Variants in SASS6 observed in about 807,000 individuals in gnomAD.
The protein encoded by SASS6 is SAS-6 centriolar assembly protein, also known as spindle assembly abnormal protein 6 homolog.
SASS6 carries 59 observed loss-of-function variants against 94.9 expected under a neutral mutation model. That is an observed-to-expected ratio of 0.62 (90% CI 0.50 to 0.77). The LOEUF (loss-of-function observed/expected upper bound fraction) is 0.77, where lower values mean the gene tolerates loss of function less well. SASS6 is among the 30% of genes least tolerant of loss of function. The pLI is 0.00. For missense variants in SASS6, 698 were observed against 734.1 expected, an observed-to-expected ratio of 0.95 and a Z score of 0.57; for synonymous variants, 264 against 270.0, an observed-to-expected ratio of 0.98 and a Z score of 0.22.
intron 14 of SASS6, among the ~76,000 whole-genome samples, chr1:100,097,816 T>G (rs776911148): frequency 2.6e-5 from 4 of 152,082 alleles, no homozygotes; most frequent in Non-Finnish European, 4.4e-5. Context: ...GATGACAGAA[T>G]GAGATTTTAT....
chr1:100,109,665 A>G (rs1037479405), intron 8 of SASS6, among the ~76,000 whole-genome samples: 3 of 152,044 alleles, frequency 2.0e-5, no homozygotes, highest in African/African-American at 7.2e-5. Context: ...AAGATAGTCA[A>G]ATAATAGATG....
intron 2 of SASS6, among the ~76,000 whole-genome samples, chr1:100,123,645 T>G (rs1654365091): frequency 6.6e-6 from 1 of 152,216 alleles, no homozygotes; most frequent in African/African-American, 2.4e-5. Context: ...ACATTCAATT[T>G]TATTTTTAGT....
In SASS6 at chr1:100,084,865, CAA is replaced by C. The variant is rs1042767550; in HGVS notation, c.*461_*462del. The C allele has an allele frequency of 3.3e-5, 5 of 153,460 alleles. No homozygotes were observed. Among genetic ancestry groups the C allele is most frequent in the Non-Finnish European group, 5.8e-5 (4 of 68,940 alleles). The allele number at this position is 153,460 out of a possible 1,614,324, so 9.5% of individuals were successfully genotyped here. On this transcript the variant is annotated 3_prime_UTR_variant, in exon 17 of 17. Transcript: ENST00000287482. ...TTTAAATGTCATCAATAATATATCT[CAA>C]GAGGTAATCATTTTCCCTCATGATT...
intron 14 of SASS6, among the ~76,000 whole-genome samples, chr1:100,088,537 G>A (rs76369513): frequency 0.041 from 6,311 of 152,078 alleles, 325 homozygotes; most frequent in African/African-American, 0.12. Flanking sequence ...TGATCCTCCC[G>A]TCTCAGCCTC....
At chr1:100,118,548 T>C (rs1024977238) in intron 7 of SASS6, among the ~76,000 whole-genome samples, 1 of 152,178 alleles carries the variant, frequency 6.6e-6, no homozygotes, top group Admixed American at 6.5e-5. Context: ...AGCATTTAAA[T>C]GACCACCATT....
intron 14 of SASS6, among the ~76,000 whole-genome samples, chr1:100,095,562 A>G (rs1322252104): frequency 6.6e-6 from 1 of 152,164 alleles, no homozygotes; most frequent in African/African-American, 2.4e-5. Context: ...AAATTGTACT[A>G]TCGGTTCTAG....
chr1:100,111,699 T>G lies in SASS6; in HGVS notation c.670-1216A>C, dbSNP rs572231092. On this transcript the variant is annotated intron_variant, in intron 7 of 16. Transcript: ENST00000287482. ...ATAAAATACCTTAGGAATTTTACAT[T>G]ACTACTTCAGGAATTTCCTCATTTT... is the stretch of plus-strand genomic sequence containing the variant. Among the ~76,000 whole-genome samples the G allele has an allele frequency of 9.3e-4, 142 of 152,228 alleles. 1 individual carries two copies. The highest frequency in any genetic ancestry group is 3.1e-3 in the African/African-American group (128 of 41,564).
Position 100,085,316 on chromosome 1 carries a change from A to G in SASS6, c.*12T>C, listed in dbSNP as rs1382657093. On this transcript the variant is annotated 3_prime_UTR_variant, in exon 17 of 17. Coordinates refer to ENST00000287482, the MANE Select transcript of SASS6 (RefSeq NM_194292.3). ...CTAAAATACCAATAAAAAGTAAAACATGACACTAGAATTAACTGTTTGGTA... is the reference window on the plus strand; with the variant it reads ...CTAAAATACCAATAAAAAGTAAAACGTGACACTAGAATTAACTGTTTGGTA... 1 of 1,523,154 alleles carries G rather than the reference A, an allele frequency of 6.6e-7. No homozygotes were observed. Among genetic ancestry groups the G allele is most frequent in the Non-Finnish European group, 9.1e-7 (1 of 1,097,332 alleles). The allele number at this position is 1,523,154 out of a possible 1,614,324, so 94.4% of individuals were successfully genotyped here.
chr1:100,088,618 T>C (rs1410101637), intron 14 of SASS6, among the ~76,000 whole-genome samples: 1 of 151,334 alleles, frequency 6.6e-6, no homozygotes. Context: ...AGATGGGTGG[T>C]TAAATTTGTT....
intron 14 of SASS6, among the ~76,000 whole-genome samples, chr1:100,094,882 A>G (rs1466063578): frequency 6.6e-6 from 1 of 151,316 alleles, no homozygotes; most frequent in Non-Finnish European, 1.5e-5. Flanking sequence ...AAAAAAAAAG[A>G]AAAAGAAACA....
chr1:100,132,295 G>C (rs1006896963), intron 1 of SASS6, among the ~76,000 whole-genome samples: 1 of 152,246 alleles, frequency 6.6e-6, no homozygotes, highest in East Asian at 1.9e-4. Context: ...AAATTGGTAG[G>C]TTTTTAAAAG....
chr1:100,129,888 A>G (rs1654873518), intron 1 of SASS6, among the ~76,000 whole-genome samples: 1 of 152,196 alleles, frequency 6.6e-6, no homozygotes, highest in Non-Finnish European at 1.5e-5. Flanking sequence ...ACTGTCCTCA[A>G]CTGAATTTCC....
chr1:100,086,674 C>CT (rs147519198), intron 15 of SASS6, among the ~76,000 whole-genome samples: 7,605 of 150,514 alleles, frequency 0.051, 221 homozygotes, highest in Non-Finnish European at 0.059. Context: ...CCATGTCTGG[C>CT]TTTTTTTTTG....
chr1:100,111,040 T>C (rs759637652), intron 7 of SASS6, among the ~76,000 whole-genome samples: 2 of 152,084 alleles, frequency 1.3e-5, no homozygotes, highest in South Asian at 2.1e-4. Context: ...CAATATTTAG[T>C]GCCTGTCTGA....
At chr1:100,095,155 T>C (rs201048430) in intron 14 of SASS6, among the ~76,000 whole-genome samples, 4 of 152,204 alleles carry the variant, frequency 2.6e-5, no homozygotes. Context: ...CTACAGCTAA[T>C]ATGCTTATGA....
intron 7 of SASS6, among the ~76,000 whole-genome samples, chr1:100,112,170 G>A (rs1270040915): frequency 1.3e-5 from 2 of 151,970 alleles, no homozygotes; most frequent in Non-Finnish European, 2.9e-5. Context: ...TTGTAGAGGT[G>A]GAAGCAATAT....
intron 14 of SASS6, among the ~76,000 whole-genome samples, chr1:100,101,400 T>C (rs1477303264): frequency 6.6e-6 from 1 of 151,828 alleles, no homozygotes; most frequent in East Asian, 1.9e-4. Flanking sequence ...CAGGAAACAC[T>C]GAAAGTCTTG....
At chr1:100,122,094 A>G (rs967898158) in intron 4 of SASS6, among the ~76,000 whole-genome samples, 4 of 152,234 alleles carry the variant, frequency 2.6e-5, no homozygotes, top group Admixed American at 2.6e-4. Context: ...ACACACATAC[A>G]ATCTTAGTCT....
chr1:100,126,464 G>C (rs1013344672), intron 1 of SASS6, among the ~76,000 whole-genome samples: 1 of 152,164 alleles, frequency 6.6e-6, no homozygotes, highest in African/African-American at 2.4e-5. Context: ...TGATTAATGA[G>C]AGACTGATTG....
Sources: gnomAD v4.1 joint callset for allele counts (sites outside exome capture counted in the v4.1 genomes callset) on GRCh38, gnomAD v4.1.1 for gene constraint, MANE v1.5 for transcripts, NCBI Gene and HGNC (gene_info 2026-07-23, HGNC 2026-07-21) for gene names.